The following AIRE variants were observed in gnomAD, a reference collection of about 807,000 sequenced individuals.
AIRE encodes autoimmune polyendocrinopathy candidiasis ectodermal dystrophy protein.
AIRE carries 52 observed loss-of-function variants against 62.1 expected under a neutral mutation model. That is an observed-to-expected ratio of 0.84 (90% CI 0.67 to 1.06). The LOEUF is 1.06. AIRE is among the 50% of genes least tolerant of loss of function. The pLI is 0.00. For missense variants in AIRE, 774 were observed against 755.8 expected (o/e 1.02, Z -0.28); for synonymous variants, 342 against 321.6 (o/e 1.06, Z -0.68).
At chr21:44,289,503 G>GTCGTT in intron 5 of AIRE, 154 bp from the exon 6 acceptor site, 1 of 904,548 alleles carries the variant, frequency 1.1e-6, no homozygotes, top group South Asian at 2.2e-5. Context: ...ACAATCCCCG[G>GTCGTT]GCCCCAGACT....
chr21:44,293,120 GGCTGGA>G lies in AIRE; in HGVS notation c.1224_1229del (p.Leu409_Asp410del). The G allele has an allele frequency of 6.2e-7, 1 of 1,602,428 alleles. No individual in the cohort carries two copies. The highest frequency in any genetic ancestry group is 8.5e-7 in the Non-Finnish European group (1 of 1,175,374). On this transcript the variant is annotated inframe_deletion, in exon 10 of 14. Coordinates refer to ENST00000291582, the MANE Select transcript of AIRE (RefSeq NM_000383.4). ...CCGCCTTCTGCAGCCCCGCTGCCAGGGCTGGACTCCTCGGCCCTGCACCCCCTACTG... is the reference window on the plus strand; with the variant it reads ...CCGCCTTCTGCAGCCCCGCTGCCAGGCTCCTCGGCCCTGCACCCCCTACTG...
chr21:44,290,990 G>C (rs762075832), intron 7 of AIRE, 105 bp from the exon 8 acceptor site: 1 of 1,613,382 alleles, frequency 6.2e-7, no homozygotes, highest in South Asian at 1.1e-5. Flanking sequence ...GGGGAGTTCA[G>C]GTACCCAGAG....
chr21:44,290,047 C>A lies in AIRE; in HGVS notation c.858C>A (p.Pro286=), dbSNP rs1314044062. ...QGSVPAPLAL[P]SDPQLHQKNE... The stretch of plus-strand genomic sequence containing the variant: ...GCGTTCCCGCCCCTCTGGCCCTCCC[C>A]AGTGACCCCCAGCTCCACCAGGTAA... Residue 286 remains proline, a synonymous_variant, in exon 7 of 14, where the codon CCC becomes CCA. Transcript: ENST00000291582. The A allele has an allele frequency of 5.0e-6, 8 of 1,612,132 alleles. No homozygotes were observed. Among genetic ancestry groups the A allele is most frequent in the Non-Finnish European group, 6.8e-6 (8 of 1,179,732 alleles).
Position 44,286,471 on chromosome 21 carries a change from A to G in AIRE, c.133-86A>G. On this transcript the variant is annotated intron_variant, in intron 1 of 13. Transcript: ENST00000291582. The surrounding 1 kb of genome is among the most constrained non-coding windows in gnomAD (Gnocchi z 6.0). ...CAGGTCGCCAGCGCCTCTGCCTGGG[A>G]GCTCCACCCTCTAGTCATGATGGAG... The G allele has an allele frequency of 2.1e-6, 3 of 1,443,360 alleles. No homozygotes were observed. In the East Asian group the frequency reaches 6.9e-5, roughly 33 times the overall value. 89.4% of individuals were successfully genotyped at this position (1,443,360 alleles called of 1,614,324 possible). A position where few individuals can be genotyped will look rare whatever the true frequency, so the allele number is the denominator to read the frequency against.
rs1364606339 is a variant in AIRE, at chr21:44,298,332, TTC to T, written c.*607_*608del. ...AACCCCTGGCACCCTCCACTCTACTTTCTGTCTCTATGACTTCTCCAGGGACC... is the reference window on the plus strand; with the variant it reads ...AACCCCTGGCACCCTCCACTCTACTTTGTCTCTATGACTTCTCCAGGGACC... On this transcript the variant is annotated 3_prime_UTR_variant, in exon 14 of 14. Coordinates refer to ENST00000291582, the MANE Select transcript of AIRE (RefSeq NM_000383.4). 1 of 169,208 alleles carries T rather than the reference TTC, an allele frequency of 5.9e-6. No individual in the cohort carries two copies. Among genetic ancestry groups the T allele is most frequent in the Admixed American group, 5.6e-5 (1 of 17,948 alleles). 10.5% of individuals were successfully genotyped at this position (169,208 alleles called of 1,614,324 possible).
intron 12 of AIRE, 123 bp from the exon 13 acceptor site, chr21:44,296,259 TG>T: frequency 1.1e-6 from 1 of 921,438 alleles, no homozygotes; most frequent in Non-Finnish European, 1.8e-6. Context: ...CCAGTGGAGC[TG>T]GGTGTAAGAA....
Position 44,287,557 on chromosome 21 carries a change from C to A in AIRE, c.504C>A (p.Ser168Arg). The change falls in exon 4 of 14, where the codon AGC becomes AGA. Residue 168 changes from serine (S) to arginine (R), a missense_variant. Ser to Arg is a moderately radical substitution (Grantham distance 110). Transcript: ENST00000291582. The surrounding 1 kb of genome is among the most constrained non-coding windows in gnomAD (Gnocchi z 4.3). Reference protein sequence around the residue: ...LKAKPPKKPESSAEQQRLPLG... With the variant: ...LKAKPPKKPERSAEQQRLPLG... ...CCAAGCCCCCCAAGAAGCCGGAGAG[C>A]AGCGCAGAGCAGCAGCGCCTTCCAC... 6.4e-7 allele frequency: 1 copy of A among 1,559,072 alleles called. No individual in the cohort carries two copies. Among genetic ancestry groups the A allele is most frequent in the Non-Finnish European group, 8.7e-7 (1 of 1,151,570 alleles).
At position 44,286,072 on chromosome 21, in the gene AIRE, G is replaced by T. The variant is rs1028887337; in HGVS notation, c.66G>T (p.Val22=). The T allele has an allele frequency of 9.1e-6, 14 of 1,543,754 alleles. No individual in the cohort carries two copies. The highest frequency in any genetic ancestry group is 1.1e-5 in the Non-Finnish European group (13 of 1,146,262). Residue 22 remains valine, a synonymous_variant, in exon 1 of 14, where the codon GTG becomes GTT. Coordinates refer to ENST00000291582, the MANE Select transcript of AIRE (RefSeq NM_000383.4). This position sits in a 1 kb window ranked among gnomAD's most constrained non-coding sequence, Gnocchi z 6.0. ...RLHRTEIAVA[V]DSAFPLLHAL... is the part of the protein sequence containing the mutation. Reference sequence around the variant, plus strand: ...ACCGCACGGAGATCGCGGTGGCCGTGGACAGCGCCTTCCCACTGCTGCACG... The same window carrying T: ...ACCGCACGGAGATCGCGGTGGCCGTTGACAGCGCCTTCCCACTGCTGCACG...
Position 44,287,096 on chromosome 21 carries a change from G to T in AIRE, c.426G>T (p.Ala142=). 5.0e-6 allele frequency: 8 copies of T among 1,612,376 alleles called. No individual in the cohort carries two copies. The highest frequency in any genetic ancestry group is 6.8e-6 in the Non-Finnish European group (8 of 1,179,892). Residue 142 remains alanine, a synonymous_variant, in exon 3 of 14, where the codon GCG becomes GCT. Coordinates refer to ENST00000291582, the MANE Select transcript of AIRE (RefSeq NM_000383.4). The surrounding 1 kb of genome is among the most constrained non-coding windows in gnomAD (Gnocchi z 4.3). ...CCTCAGAAGAGGCTCGAGCTGCCGCGCCAGCAGCCCTGACTCCAAGGGGCA... is the reference window on the plus strand; with the variant it reads ...CCTCAGAAGAGGCTCGAGCTGCCGCTCCAGCAGCCCTGACTCCAAGGGGCA... ...RKASEEARAA[A]PAALTPRGTA...
chr21:44,288,269 C>T (rs946456389), intron 4 of AIRE, 76 bp from the exon 5 acceptor site: 54 of 1,234,994 alleles, frequency 4.4e-5, no homozygotes, highest in Admixed American at 1.7e-4. Context: ...CCCAGTGCTG[C>T]CTGCTTCTGG....
Position 44,293,927 on chromosome 21 carries a change from G to C in AIRE, c.1400+17G>C, listed in dbSNP as rs772820639. 3 of 1,595,680 alleles carry C rather than the reference G, an allele frequency of 1.9e-6. No homozygotes were observed. The highest frequency in any genetic ancestry group is 1.7e-6 in the Non-Finnish European group (2 of 1,179,230). The stretch of plus-strand genomic sequence containing the variant: ...CCGGCCCGGGTGAGTGAGCGTGGTC[G>C]GCGGGGAGGCCTGAACCCACACCCA... On this transcript the variant is annotated intron_variant, in intron 11 of 13. Transcript: ENST00000291582.
chr21:44,296,002 A>G (rs1416235678), intron 12 of AIRE, among the ~76,000 whole-genome samples: 1 of 151,690 alleles, frequency 6.6e-6, no homozygotes, highest in Non-Finnish European at 1.5e-5. Context: ...GCTCACCTAT[A>G]GTGTGGGCTG....
chr21:44,294,879 C>A (rs1290842091), intron 12 of AIRE, among the ~76,000 whole-genome samples: 1 of 152,138 alleles, frequency 6.6e-6, no homozygotes, highest in African/African-American at 2.4e-5. Context: ...GGTTGTCTCA[C>A]CCCCAGCCCT....
In AIRE at chr21:44,287,149, G is replaced by C. The variant is rs761329134; in HGVS notation, c.463+16G>C. ...GCCAGCCCAGGTACCCTCCCTGCAG[G>C]GGAAGCCAGCCAGGGTCTCCAGTCT... On this transcript the variant is annotated intron_variant, in intron 3 of 13. Transcript: ENST00000291582. The surrounding 1 kb of genome is among the most constrained non-coding windows in gnomAD (Gnocchi z 4.3). The C allele has an allele frequency of 3.7e-6, 6 of 1,611,394 alleles. No individual in the cohort carries two copies. The South Asian group carries it at 5.5e-5, about 15-fold the overall frequency.
intron 12 of AIRE, among the ~76,000 whole-genome samples, chr21:44,294,715 T>C (rs2040587526): frequency 6.6e-6 from 1 of 151,940 alleles, no homozygotes; most frequent in African/African-American, 2.4e-5. Flanking sequence ...AAAAGGAAGC[T>C]CCCCCCGAGG....
At chr21:44,294,050 C>T in intron 11 of AIRE, 140 bp downstream of exon 11, 3 of 1,181,184 alleles carry the variant, frequency 2.5e-6, no homozygotes, top group East Asian at 2.6e-5. Flanking sequence ...TGCACCCCAC[C>T]CCACACCCAT....
chr21:44,293,600 C>T lies in AIRE; in HGVS notation c.1279-189C>T, dbSNP rs55752112. ...GCAGCCTGAGGGTGCTTGGGTCGCC[C>T]CTGCCTCCTGGGGATGGGACTGGTC... On this transcript the variant is annotated intron_variant, in intron 10 of 13. Coordinates refer to ENST00000291582, the MANE Select transcript of AIRE (RefSeq NM_000383.4). Among the ~76,000 whole-genome samples the T allele has an allele frequency of 4.2e-4, 64 of 152,222 alleles. No homozygotes were observed. The East Asian group carries it at 0.012, about 28-fold the overall frequency.
chr21:44,290,115 C>A, intron 7 of AIRE, 47 bp downstream of exon 7: 1 of 1,585,634 alleles, frequency 6.3e-7, no homozygotes, highest in African/African-American at 1.3e-5. Context: ...CCTTGCTCCC[C>A]TCGGGTGGGT....
chr21:44,294,698 A>G (rs1228934549), intron 12 of AIRE, among the ~76,000 whole-genome samples, 195 bp downstream of exon 12: 1 of 152,162 alleles, frequency 6.6e-6, no homozygotes, highest in African/African-American at 2.4e-5. Flanking sequence ...CAACTTAAAT[A>G]TAGTTAAAAA....
Sources: gnomAD v4.1 joint callset for allele counts (sites outside exome capture counted in the v4.1 genomes callset) on GRCh38, gnomAD v4.1.1 for gene constraint, Gnocchi (gnomAD v3.1) non-coding constraint, MANE v1.5 for transcripts, NCBI Gene and HGNC (gene_info 2026-07-23, HGNC 2026-07-21) for gene names.